The following COG4 variants were observed in gnomAD, a reference collection of about 807,000 sequenced individuals.
COG4 encodes the protein conserved oligomeric Golgi complex subunit 4.
A neutral mutation model predicts 95.1 loss-of-function variants in COG4; 65 were observed. The observed-to-expected ratio is 0.68, with a 90% CI of 0.56 to 0.84. The LOEUF is 0.84. Ranked by LOEUF, COG4 falls within the 40% of genes least tolerant of loss-of-function variation. The pLI, the probability that COG4 is intolerant of heterozygous loss-of-function variation, is 0.00. For missense variants in COG4, 1,045 were observed against 989.1 expected (o/e 1.06, Z -0.76); for synonymous variants, 421 against 374.8 (o/e 1.12, Z -1.42).
chr16:70,515,174 A>G (rs900443283), intron 3 of COG4, among the ~76,000 whole-genome samples: 2 of 151,784 alleles, frequency 1.3e-5, no homozygotes, highest in African/African-American at 4.8e-5. Context: ...CACAACCACA[A>G]CCTGCTAATT....
chr16:70,496,519 A>ACCTTGTGCTGCTGG, intron 11 of COG4, 88 bp from the exon 12 acceptor site: 1 of 1,338,140 alleles, frequency 7.5e-7, no homozygotes, highest in Non-Finnish European at 1.1e-6. Flanking sequence ...CTGACCCAGC[A>ACCTTGTGCTGCTGG]GCACAAGGTG....
intron 17 of COG4, 43 bp downstream of exon 17, chr16:70,481,721 G>T: frequency 6.5e-7 from 1 of 1,543,984 alleles, no homozygotes; most frequent in Non-Finnish European, 8.9e-7. Flanking sequence ...GTCTTCCTCA[G>T]AGGAGAAACG....
In COG4 at chr16:70,512,257, C is replaced by G. The variant is rs533888584; in HGVS notation, c.720G>C (p.Ser240=). The change falls in exon 5 of 19, where the codon TCG becomes TCC. Residue 240 remains serine (S), a synonymous_variant. Transcript: ENST00000323786. The part of the protein sequence containing the change: ...GLHEEGLRKF[S]EYLCKQVASK... The stretch of plus-strand genomic sequence containing the variant: ...TCCATACCTGCTTGCAAAGGTACTC[C>G]GAGAACTTTCTTAATCCCTCCTCAT... The G allele has an allele frequency of 1.2e-6, 2 of 1,614,064 alleles. No individual in the cohort carries two copies. The highest frequency in any genetic ancestry group is 1.7e-6 in the Non-Finnish European group (2 of 1,180,052).
chr16:70,499,353 G>C (rs1468515259), intron 9 of COG4, among the ~76,000 whole-genome samples: 3 of 152,182 alleles, frequency 2.0e-5, no homozygotes. Context: ...TTTTGGCTAA[G>C]ATCAAGTGAT....
At position 70,508,470 on chromosome 16, in the gene COG4, A is replaced by G; in HGVS notation, c.1003-6T>C. ...TTGTTCTGAACATGCCGGAACTGCA[A>G]CATACCACAGGAATGAGAATATTCT... On this transcript the variant is annotated splice_polypyrimidine_tract_variant and splice_region_variant and intron_variant, in intron 7 of 18. Coordinates refer to ENST00000323786, the MANE Select transcript of COG4 (RefSeq NM_015386.3). 1 of 1,613,580 alleles carries G rather than the reference A, an allele frequency of 6.2e-7. No individual in the cohort carries two copies. Among genetic ancestry groups the G allele is most frequent in the East Asian group, 2.2e-5 (1 of 44,884 alleles).
intron 3 of COG4, among the ~76,000 whole-genome samples, chr16:70,517,372 G>C (rs1395446183): frequency 6.6e-6 from 1 of 151,608 alleles, no homozygotes; most frequent in African/African-American, 2.4e-5. Context: ...AGGATAACTT[G>C]AGCCCAGGAG....
intron 14 of COG4, 134 bp from the exon 15 acceptor site, chr16:70,482,955 T>C (rs1266243048): frequency 3.2e-6 from 2 of 629,312 alleles, no homozygotes; most frequent in Non-Finnish European, 5.6e-6. Context: ...CCTTCTCTCC[T>C]CTCCCCATTT....
intron 13 of COG4, among the ~76,000 whole-genome samples, chr16:70,487,474 A>G (rs945143054): frequency 1.3e-5 from 2 of 151,760 alleles, no homozygotes; most frequent in Non-Finnish European, 2.9e-5. Context: ...GCAGGTGCTT[A>G]TAATCCCAGC....
At chr16:70,499,791 C>T (rs1438809923) in intron 9 of COG4, among the ~76,000 whole-genome samples, 1 of 151,952 alleles carries the variant, frequency 6.6e-6, no homozygotes, top group Non-Finnish European at 1.5e-5. Context: ...TCCAGAGTAG[C>T]TGGGACTGCA....
At chr16:70,508,363 A>G in intron 8 of COG4, 43 bp downstream of exon 8, 2 of 1,509,482 alleles carry the variant, frequency 1.3e-6, no homozygotes, top group Non-Finnish European at 1.8e-6. Flanking sequence ...CATGATTACC[A>G]ATTCAAACTC....
Position 70,482,925 on chromosome 16 carries a change from C to CTCTCCTCTCCCCATCCCTTCCT in COG4, c.1828-126_1828-105dup, listed in dbSNP as rs2049031744. On this transcript the variant is annotated intron_variant, in intron 14 of 18. Transcript: ENST00000323786. ...CCTCTATCCTCTCCCCATCCCTTTC[C>CTCTCCTCTCCCCATCCCTTCCT]TCTCCTCTCCCCATCCCTTCCTTCT... 3.6e-6 allele frequency: 3 copies of CTCTCCTCTCCCCATCCCTTCCT among 833,138 alleles called. No homozygotes were observed. In the African/African-American group the frequency reaches 5.2e-5, roughly 14 times the overall value. The allele number at this position is 833,138 out of a possible 1,614,324, so 51.6% of individuals were successfully genotyped here. A position where few individuals can be genotyped will look rare whatever the true frequency, so the allele number is the denominator to read the frequency against.
At chr16:70,499,701 C>T (rs2049408692) in intron 9 of COG4, among the ~76,000 whole-genome samples, 1 of 152,150 alleles carries the variant, frequency 6.6e-6, no homozygotes. Context: ...CGCTTGTCGC[C>T]CAGGCTGGAG....
rs183885805 is a variant in COG4 at position 70,486,040 on chromosome 16, C to T, written c.1711-2071G>A. On this transcript the variant is annotated intron_variant, in intron 13 of 18. Transcript: ENST00000323786. ...TCTCCCAAGTAGCTGGGACTACAGG[C>T]GCCCACCACCACGCTCTGCTAATTT... Among the ~76,000 whole-genome samples the T allele has an allele frequency of 7.2e-5, 11 of 151,830 alleles. No homozygotes were observed. In the East Asian group the frequency reaches 9.7e-4, roughly 13 times the overall value.
At position 70,498,552 on chromosome 16, in the gene COG4, T is replaced by C. The variant is rs181573590; in HGVS notation, c.1196-497A>G. 7.0e-3 allele frequency among the ~76,000 whole-genome samples: 1,067 copies of C among 152,200 alleles called. 8 individuals are homozygous for C. The highest frequency in any genetic ancestry group is 0.037 in the Middle Eastern group (11 of 294). ...CATGTTGAGGTTGGTCTTGAACTCCTGACCTTAGGTGATCCGCCTGCCTCA... is the reference window on the plus strand; with the variant it reads ...CATGTTGAGGTTGGTCTTGAACTCCCGACCTTAGGTGATCCGCCTGCCTCA... On this transcript the variant is annotated intron_variant, in intron 9 of 18. Coordinates refer to ENST00000323786, the MANE Select transcript of COG4 (RefSeq NM_015386.3).
chr16:70,505,910 T>C (rs926276755), intron 8 of COG4, among the ~76,000 whole-genome samples: 2 of 151,986 alleles, frequency 1.3e-5, no homozygotes, highest in African/African-American at 4.8e-5. Context: ...TTTGGGAGGC[T>C]GAGGCAGGGG....
At chr16:70,484,472 T>C (rs1277534614) in intron 13 of COG4, among the ~76,000 whole-genome samples, 1 of 152,226 alleles carries the variant, frequency 6.6e-6, no homozygotes, top group African/African-American at 2.4e-5. Flanking sequence ...TTTATTTAAA[T>C]TTACCAAAAA....
Position 70,481,805 on chromosome 16 carries a change from C to G in COG4, c.2065G>C (p.Val689Leu), listed in dbSNP as rs529444974. ...TTCAGCACCACTTTCTCCAACTCGACGGCAACAAGGCTAGTCATGAGGCCG... is the reference window on the plus strand; with the variant it reads ...TTCAGCACCACTTTCTCCAACTCGAGGGCAACAAGGCTAGTCATGAGGCCG... The part of the protein sequence containing the change: ...LTGLMTSLVA[V>L]ELEKVVLKST... Residue 689 changes from valine to leucine, a missense_variant, in exon 17 of 19, where the codon GTC becomes CTC. Val to Leu is a conservative substitution (Grantham distance 32). Transcript: ENST00000323786. 1 of 1,614,092 alleles carries G rather than the reference C, an allele frequency of 6.2e-7. No homozygotes were observed. Among genetic ancestry groups the G allele is most frequent in the Non-Finnish European group, 8.5e-7 (1 of 1,180,016 alleles).
intron 10 of COG4, 98 bp from the exon 11 acceptor site, chr16:70,497,485 G>T: frequency 8.6e-7 from 1 of 1,169,382 alleles, no homozygotes; most frequent in Non-Finnish European, 1.3e-6. Context: ...TCCCTTTTCT[G>T]TACCTTGTCC....
rs541202889 is a variant in COG4, at chr16:70,509,200, C to A, written c.1002+31G>T. 10 of 1,613,986 alleles carry A rather than the reference C, an allele frequency of 6.2e-6. No individual in the cohort carries two copies. In the South Asian group the frequency reaches 8.8e-5, roughly 14 times the overall value. The stretch of plus-strand genomic sequence containing the variant: ...TCAGTGTTCCTCGCTAAAGCTGCTA[C>A]CAAACCCTACCTGTAGCTTCCCCTG... On this transcript the variant is annotated intron_variant, in intron 7 of 18. Transcript: ENST00000323786.
Sources: allele counts gnomAD v4.1 joint callset (sites outside exome capture counted in the v4.1 genomes callset), GRCh38; gene constraint gnomAD v4.1.1; transcripts MANE v1.5; gene names NCBI Gene and HGNC (gene_info 2026-07-23, HGNC 2026-07-21).